Variants in ZFAND6 observed in about 807,000 individuals in gnomAD.
The protein encoded by ZFAND6 is AN1-type zinc finger protein 6.
Under a neutral mutation model 24.5 loss-of-function variants are expected in ZFAND6, and 12 were observed. The observed-to-expected ratio is 0.49, with a 90% confidence interval of 0.31 to 0.79. The LOEUF is 0.79. Among genes scored for constraint, ZFAND6 ranks in the 30% least tolerant of loss-of-function variants. The pLI is 0.04. For synonymous variants in ZFAND6, 92 were observed against 81.5 expected (o/e 1.13, Z -0.69); for missense variants, 207 against 245.9 (o/e 0.84, Z 1.06).
chr15:80,087,360 T>C (rs1278525366), intron 1 of ZFAND6, among the ~76,000 whole-genome samples: 2 of 152,246 alleles, frequency 1.3e-5, no homozygotes, highest in Admixed American at 1.3e-4. Context: ...TTAGTGGATG[T>C]GGAGTGGTAT....
At chr15:80,112,488 C>T (rs1489176653) in intron 2 of ZFAND6, among the ~76,000 whole-genome samples, 1 of 152,012 alleles carries the variant, frequency 6.6e-6, no homozygotes, top group African/African-American at 2.4e-5. Flanking sequence ...ACCTCCGCCT[C>T]TTGGGTTCAA....
At chr15:80,065,263 A>G (rs1048444774) in intron 1 of ZFAND6, among the ~76,000 whole-genome samples, 5 of 140,542 alleles carry the variant, frequency 3.6e-5, no homozygotes, top group South Asian at 4.4e-4. Flanking sequence ...TGGCCCCACT[A>G]AAAAAAAAAA....
chr15:80,096,862 G>A (rs2038753238), intron 1 of ZFAND6, among the ~76,000 whole-genome samples: 1 of 152,066 alleles, frequency 6.6e-6, no homozygotes, highest in South Asian at 2.1e-4. Context: ...TACATATTTT[G>A]CTTGAAGTTT....
intron 1 of ZFAND6, among the ~76,000 whole-genome samples, chr15:80,070,423 G>C (rs552255224): frequency 6.6e-6 from 1 of 152,274 alleles, no homozygotes; most frequent in Admixed American, 6.5e-5. Flanking sequence ...TATTATCTCG[G>C]TTATACATTT....
At chr15:80,101,631 A>T (rs897624937) in intron 2 of ZFAND6, among the ~76,000 whole-genome samples, 1 of 152,138 alleles carries the variant, frequency 6.6e-6, no homozygotes, top group Non-Finnish European at 1.5e-5. Context: ...TGCATTAAAC[A>T]TGACATTTAT....
chr15:80,101,455 T>TC (rs748059334), intron 2 of ZFAND6, among the ~76,000 whole-genome samples: 12 of 151,894 alleles, frequency 7.9e-5, no homozygotes, highest in Admixed American at 7.2e-4. Flanking sequence ...AAGGCAAGAC[T>TC]CCATCTCAAA....
intron 2 of ZFAND6, among the ~76,000 whole-genome samples, chr15:80,118,533 C>T (rs894039264): frequency 6.6e-6 from 1 of 151,756 alleles, no homozygotes; most frequent in African/African-American, 2.4e-5. Flanking sequence ...CTATACTGTG[C>T]TTGTTATTTT....
chr15:80,085,491 A>G (rs1439343687), intron 1 of ZFAND6, among the ~76,000 whole-genome samples: 1 of 152,238 alleles, frequency 6.6e-6, no homozygotes, highest in Non-Finnish European at 1.5e-5. Flanking sequence ...GACCTTAATC[A>G]TTGCTTAAAA....
chr15:80,101,521 G>A (rs557752489), intron 2 of ZFAND6, among the ~76,000 whole-genome samples: 5 of 152,210 alleles, frequency 3.3e-5, no homozygotes, highest in Admixed American at 3.3e-4. Flanking sequence ...TCTGCTGTGT[G>A]CATTAGCCCC....
rs142842087 is a variant in ZFAND6 at position 80,112,247 on chromosome 15, C to T, written c.-17-8081C>T. Among the ~76,000 whole-genome samples the T allele has an allele frequency of 0.02, 3,114 of 152,172 alleles. 226 individuals carry two copies. In the East Asian group the frequency reaches 0.22, roughly 11 times the overall value. ...TGCGCTCCAGCCTGGGCAACAAGAG[C>T]GAAACTCCATCTCAAAAAACTGCTA... On this transcript the variant is annotated intron_variant, in intron 2 of 6. Coordinates refer to ENST00000261749, the MANE Select transcript of ZFAND6 (RefSeq NM_019006.4).
At chr15:80,068,053 C>T (rs187594145) in intron 1 of ZFAND6, among the ~76,000 whole-genome samples, 15 of 151,762 alleles carry the variant, frequency 9.9e-5, no homozygotes, top group African/African-American at 3.4e-4. Context: ...CCTCTGCCTC[C>T]TGGGTTCAAG....
chr15:80,104,875 A>G lies in ZFAND6; in HGVS notation c.-18+6297A>G, dbSNP rs1596272843. 3.3e-5 allele frequency among the ~76,000 whole-genome samples: 5 copies of G among 151,936 alleles called. No homozygotes were observed. In the South Asian group the frequency reaches 1.0e-3, roughly 32 times the overall value. ...GATTGACTATTTTTGCCTACTTTTG[A>G]TATCATACAGCATGCATTTTTAAAG... On this transcript the variant is annotated intron_variant, in intron 2 of 6. Coordinates refer to ENST00000261749, the MANE Select transcript of ZFAND6 (RefSeq NM_019006.4).
At chr15:80,096,032 G>T (rs56042531) in intron 1 of ZFAND6, among the ~76,000 whole-genome samples, 10,416 of 152,198 alleles carry the variant, frequency 0.068, 487 homozygotes, top group Non-Finnish European at 0.11. Flanking sequence ...CTAGCTTTAT[G>T]CTCAAGAGCA....
chr15:80,095,773 G>C (rs1436895540), intron 1 of ZFAND6, among the ~76,000 whole-genome samples: 1 of 152,140 alleles, frequency 6.6e-6, no homozygotes, highest in Non-Finnish European at 1.5e-5. Context: ...AGATGAGCCT[G>C]CTTTATTTGT....
At chr15:80,074,353 C>CT (rs777316573) in intron 1 of ZFAND6, among the ~76,000 whole-genome samples, 11 of 151,798 alleles carry the variant, frequency 7.2e-5, no homozygotes, top group Non-Finnish European at 7.4e-5. Context: ...TTTACACTGG[C>CT]TTTGTTATTC....
intron 5 of ZFAND6, among the ~76,000 whole-genome samples, chr15:80,124,017 C>T (rs1001845763): frequency 1.3e-5 from 2 of 152,036 alleles, no homozygotes; most frequent in African/African-American, 2.4e-5. Context: ...GTGTGGTCAA[C>T]GTAAATATTC....
Position 80,120,352 on chromosome 15 carries a change from A to G in ZFAND6, c.8A>G (p.Gln3Arg). 6.4e-7 allele frequency: 1 copy of G among 1,572,870 alleles called. No homozygotes were observed. Among genetic ancestry groups the G allele is most frequent in the Non-Finnish European group, 8.6e-7 (1 of 1,157,700 alleles). MA[Q>R]ETNHSQVPML... ...GGTGTGCAACTGAGGAACATGGCTC[A>G]AGAAACTAATCACAGCCAAGTGCCT... The change falls in exon 3 of 7, where the codon CAA (glutamine) becomes CGA (arginine). Residue 3 changes from glutamine to arginine, a missense_variant. By Grantham distance (43) the Gln-to-Arg change is conservative. Transcript: ENST00000261749.
intron 1 of ZFAND6, among the ~76,000 whole-genome samples, chr15:80,096,372 T>C (rs2038721534): frequency 1.3e-5 from 2 of 152,226 alleles, no homozygotes; most frequent in Admixed American, 6.5e-5. Context: ...AATCAGAGTT[T>C]TAATCAGTTC....
intron 1 of ZFAND6, among the ~76,000 whole-genome samples, chr15:80,068,438 C>G (rs1422203195): frequency 1.3e-5 from 2 of 151,952 alleles, no homozygotes; most frequent in Non-Finnish European, 2.9e-5. Context: ...GTGGCACGAT[C>G]TCGGCTAACT....
Sources: gnomAD v4.1 joint callset for allele counts (sites outside exome capture counted in the v4.1 genomes callset) on GRCh38, gnomAD v4.1.1 for gene constraint, MANE v1.5 for transcripts, NCBI Gene and HGNC (gene_info 2026-07-23, HGNC 2026-07-21) for gene names.